Variants in MUC17 observed in about 807,000 individuals in gnomAD.
The protein encoded by MUC17 is mucin-17.
A neutral mutation model predicts 170.3 loss-of-function variants in MUC17; 190 were observed. The observed-to-expected ratio is 1.12, with a 90% CI of 0.99 to 1.26. MUC17 has a LOEUF of 1.26. Among genes scored for constraint, MUC17 ranks in the 50% most tolerant of loss-of-function variants. The pLI is 0.00. For missense variants in MUC17, 6,415 were observed against 5,530.0 expected (o/e 1.16, Z -5.08); for synonymous variants, 2,325 against 2,002.5 (o/e 1.16, Z -4.30).
At position 101,034,766 on chromosome 7, in the gene MUC17, A is replaced by G. The variant is rs752339955; in HGVS notation, c.3350A>G (p.Glu1117Gly). ...PVSTRLVVSSEASTLSTTPVD... is the reference protein window; with the variant it reads ...PVSTRLVVSSGASTLSTTPVD... ...AGCACCAGGCTGGTGGTCAGTTCTG[A>G]GGCTAGCACCCTTTCCACAACTCCT... Residue 1117 changes from glutamate to glycine, a missense_variant, in exon 3 of 13, where the codon GAG (glutamate) becomes GGG (glycine). Coordinates refer to ENST00000306151, the MANE Select transcript of MUC17 (RefSeq NM_001040105.2). 3.1e-6 allele frequency: 5 copies of G among 1,606,648 alleles called. No homozygotes were observed. In the South Asian group the frequency reaches 5.5e-5, roughly 18 times the overall value.
At chr7:101,028,768 G>C (rs541296685) in intron 1 of MUC17, among the ~76,000 whole-genome samples, 2 of 151,968 alleles carry the variant, frequency 1.3e-5, no homozygotes, top group East Asian at 3.9e-4. Flanking sequence ...CATGCCTGTA[G>C]TGCCAGCTAC....
chr7:101,021,564 TTTC>T (rs1440311836), intron 1 of MUC17, among the ~76,000 whole-genome samples: 2 of 151,928 alleles, frequency 1.3e-5, no homozygotes, highest in Non-Finnish European at 2.9e-5. Context: ...CTCTCTTCTC[TTTC>T]TTCTTCTCCC....
rs4729655 is a variant in MUC17, at chr7:101,058,170, T to C, written c.*126T>C. 405,160 of 814,832 alleles carry C rather than the reference T, an allele frequency of 0.5. 102,982 individuals carry two copies. The highest frequency in any genetic ancestry group is 0.68 in the East Asian group (26,722 of 39,088). 50.5% of individuals were successfully genotyped at this position (814,832 alleles called of 1,614,324 possible). A position where few individuals can be genotyped will look rare whatever the true frequency, so the allele number is the denominator to read the frequency against. ...CATTGTAAGTACAGGAAACAAGCCC[T>C]GTACTTACCAAGGAGAAAGAGGAGA... On this transcript the variant is annotated 3_prime_UTR_variant, in exon 13 of 13. Transcript: ENST00000306151.
chr7:101,051,516 C>A, intron 7 of MUC17, 97 bp from the exon 8 acceptor site: 2 of 1,228,902 alleles, frequency 1.6e-6, no homozygotes, highest in Non-Finnish European at 2.3e-6. Context: ...CTCCCCATCG[C>A]AGCCCACCCC....
In MUC17 at chr7:101,032,308, A is replaced by G. The variant is rs1174556297; in HGVS notation, c.892A>G (p.Thr298Ala). The G allele has an allele frequency of 3.7e-6, 6 of 1,613,110 alleles. No homozygotes were observed. The change falls in exon 3 of 13, where the codon ACT (threonine) becomes GCT (alanine). Residue 298 changes from threonine (T) to alanine (A), a missense_variant. By Grantham distance (58) the Thr-to-Ala change is moderately conservative. Coordinates refer to ENST00000306151, the MANE Select transcript of MUC17 (RefSeq NM_001040105.2). ...TTCTGAGGCTAGCACCCTTTCAACA[A>G]CTCCTGCTGCCACCAACATTCCTGT... Reference protein sequence around the residue: ...VSSEASTLSTTPAATNIPVIT... With the variant: ...VSSEASTLSTAPAATNIPVIT...
At position 101,042,440 on chromosome 7, in the gene MUC17, C is replaced by G; in HGVS notation, c.11024C>G (p.Ser3675Cys). The G allele has an allele frequency of 1.2e-6, 2 of 1,614,110 alleles. No individual in the cohort carries two copies. Among genetic ancestry groups the G allele is most frequent in the Non-Finnish European group, 1.7e-6 (2 of 1,179,988 alleles). ...ATCACTTCTACCCAAGTCAGTTCAT[C>G]TCCTGTGACTCCTGAAGGTACCACC... ...PVITSTQVSSSPVTPEGTTMP... is the reference protein window; with the variant it reads ...PVITSTQVSSCPVTPEGTTMP... Residue 3675 changes from serine (S) to cysteine (C), a missense_variant, in exon 3 of 13, where the codon TCT (serine) becomes TGT (cysteine). By Grantham distance (112) the Ser-to-Cys change is moderately radical. Transcript: ENST00000306151.
At position 101,033,868 on chromosome 7, in the gene MUC17, G is replaced by C. The variant is rs760734712; in HGVS notation, c.2452G>C (p.Val818Leu). 6.2e-7 allele frequency: 1 copy of C among 1,612,476 alleles called. No individual in the cohort carries two copies. Among genetic ancestry groups the C allele is most frequent in the South Asian group, 1.1e-5 (1 of 90,956 alleles). ...AAGTATACCTGTCAGCATCACACCG[G>C]TGACCAGTCCTGAGGCTAGCACCCT... ...LTSIPVSITP[V>L]TSPEASTLST... is the part of the protein sequence containing the mutation. The change falls in exon 3 of 13, where the codon GTG becomes CTG. Residue 818 changes from valine to leucine, a missense_variant. Transcript: ENST00000306151.
chr7:101,020,126 C>A lies in MUC17; in HGVS notation c.-10C>A. 1.3e-6 allele frequency: 2 copies of A among 1,590,684 alleles called. No individual in the cohort carries two copies. Among genetic ancestry groups the A allele is most frequent in the Non-Finnish European group, 1.7e-6 (2 of 1,168,446 alleles). On this transcript the variant is annotated 5_prime_UTR_variant, in exon 1 of 13. Coordinates refer to ENST00000306151, the MANE Select transcript of MUC17 (RefSeq NM_001040105.2). The stretch of plus-strand genomic sequence containing the variant: ...GGGTGACAGGCAAGTGAGACGTGCT[C>A]AGAGCTCCGATGCCAAGGCCAGGGA...
intron 1 of MUC17, among the ~76,000 whole-genome samples, chr7:101,025,170 G>T (rs1417163647): frequency 1.3e-5 from 2 of 151,698 alleles, no homozygotes; most frequent in African/African-American, 4.8e-5. Context: ...TTTGAGACCA[G>T]CCTGGGCAAC....
At chr7:101,054,620 G>C (rs948522571) in intron 11 of MUC17, among the ~76,000 whole-genome samples, 8 of 152,078 alleles carry the variant, frequency 5.3e-5, no homozygotes, top group African/African-American at 1.7e-4. Flanking sequence ...CTTGAGGCCA[G>C]GAGTTCAAGA....
intron 1 of MUC17, among the ~76,000 whole-genome samples, chr7:101,022,722 G>A (rs1165114788): frequency 2.6e-5 from 4 of 152,090 alleles, no homozygotes; most frequent in African/African-American, 9.7e-5. Context: ...AGGCTGAGGT[G>A]GGAGGACTGC....
chr7:101,046,031 C>A (rs1469182215), intron 3 of MUC17, among the ~76,000 whole-genome samples: 2 of 152,200 alleles, frequency 1.3e-5, no homozygotes, highest in African/African-American at 4.8e-5. Flanking sequence ...TGTTTTGGCA[C>A]TTAGCTCAGG....
At chr7:101,057,521 T>C (rs767349001) in intron 12 of MUC17, among the ~76,000 whole-genome samples, 1 of 152,192 alleles carries the variant, frequency 6.6e-6, no homozygotes, top group African/African-American at 2.4e-5. Flanking sequence ...GGCAGGAAGA[T>C]TGTCTGAAGT....
Position 101,037,744 on chromosome 7 carries a change from A to G in MUC17, c.6328A>G (p.Ser2110Gly), listed in dbSNP as rs1312598963. 8 of 1,613,790 alleles carry G rather than the reference A, an allele frequency of 5.0e-6. No individual in the cohort carries two copies. The Admixed American group carries it at 1.2e-4, about 24-fold the overall frequency. ...GSPLLTSIPL[S>G]TTPVASPEAS... ...TCCTCTACTAACAAGTATACCTCTC[A>G]GCACCACGCCGGTGGCCAGTCCTGA... The change falls in exon 3 of 13, where the codon AGC becomes GGC. Residue 2110 changes from serine (S) to glycine (G), a missense_variant. Ser to Gly is a moderately conservative substitution (Grantham distance 56). Coordinates refer to ENST00000306151, the MANE Select transcript of MUC17 (RefSeq NM_001040105.2).
At position 101,036,971 on chromosome 7, in the gene MUC17, C is replaced by T. The variant is rs1426183113; in HGVS notation, c.5555C>T (p.Ala1852Val). ...STAVSSSPTP[A>V]EGTSIATSTP... ...GCAGTCAGTTCATCTCCTACACCTG[C>T]TGAAGGTACCAGCATAGCAACCTCA... The change falls in exon 3 of 13, where the codon GCT (alanine) becomes GTT (valine). Residue 1852 changes from alanine (A) to valine (V), a missense_variant. By Grantham distance (64) the Ala-to-Val change is moderately conservative. Transcript: ENST00000306151. 8.2e-6 allele frequency: 13 copies of T among 1,584,212 alleles called. No homozygotes were observed. Among genetic ancestry groups the T allele is most frequent in the Non-Finnish European group, 1.1e-5 (13 of 1,179,048 alleles).
rs371098517 is a variant in MUC17, at chr7:101,043,049, C to T, written c.11633C>T (p.Thr3878Ile). The change falls in exon 3 of 13, where the codon ACT becomes ATT. Residue 3878 changes from threonine to isoleucine, a missense_variant. Thr to Ile is a moderately conservative substitution (Grantham distance 89). Coordinates refer to ENST00000306151, the MANE Select transcript of MUC17 (RefSeq NM_001040105.2). ...AGTGAAAGAAGCACTCCATTAACAA[C>T]TCTCCTTGTCAGCACCACACTTCCA... ...ITSERSTPLTTLLVSTTLPTS... is the reference protein window; with the variant it reads ...ITSERSTPLTILLVSTTLPTS... 29 of 1,614,104 alleles carry T rather than the reference C, an allele frequency of 1.8e-5. No individual in the cohort carries two copies. Among genetic ancestry groups the T allele is most frequent in the Admixed American group, 3.3e-5 (2 of 60,006 alleles).
In MUC17 at chr7:101,049,784, A is replaced by G. The variant is rs147247796; in HGVS notation, c.12722+402A>G. ...ATTTACTCACCTCTTTAAAGACCCT[A>G]TCTCCAAATATAGTCACATTCTGAG... On this transcript the variant is annotated intron_variant, in intron 6 of 12. Coordinates refer to ENST00000306151, the MANE Select transcript of MUC17 (RefSeq NM_001040105.2). Among the ~76,000 whole-genome samples the G allele has an allele frequency of 9.9e-5, 15 of 152,246 alleles. No homozygotes were observed. In the East Asian group the frequency reaches 2.7e-3, roughly 27 times the overall value.
chr7:101,023,918 C>T (rs1036333844), intron 1 of MUC17, among the ~76,000 whole-genome samples: 6 of 151,710 alleles, frequency 4.0e-5, no homozygotes, highest in Non-Finnish European at 8.8e-5. Flanking sequence ...TTTTTAATAA[C>T]GATCACTGTG....
intron 1 of MUC17, among the ~76,000 whole-genome samples, chr7:101,023,940 T>C (rs564659078): frequency 6.6e-6 from 1 of 152,298 alleles, no homozygotes; most frequent in South Asian, 2.1e-4. Context: ...CTGGGATATA[T>C]TCTATATCTC....
Sources: gnomAD v4.1 joint callset for allele counts (sites outside exome capture counted in the v4.1 genomes callset) on GRCh38, gnomAD v4.1.1 for gene constraint, MANE v1.5 for transcripts, NCBI Gene and HGNC (gene_info 2026-07-23, HGNC 2026-07-21) for gene names.